AFF3: variants seen among roughly 807,000 people sequenced by gnomAD.
AFF3 encodes ALF transcription elongation factor 3, also known as AF4/FMR2 family member 3.
AFF3 carries 32 observed loss-of-function variants against 129.7 expected under a neutral mutation model. The observed-to-expected ratio is 0.25, with a 90% CI of 0.19 to 0.33. The LOEUF is 0.33. Ranked by LOEUF, AFF3 falls within the 10% of genes least tolerant of loss-of-function variation. The pLI, the probability that AFF3 is intolerant of heterozygous loss-of-function variation, is 1.00. For synonymous variants in AFF3, 644 were observed against 635.4 expected (o/e 1.01, Z -0.20); for missense variants, 1,373 against 1,592.0 (o/e 0.86, Z 2.34).
intron 11 of AFF3, among the ~76,000 whole-genome samples, chr2:99,697,537 A>T (rs537119987): frequency 6.6e-6 from 1 of 152,384 alleles, no homozygotes; most frequent in African/African-American, 2.4e-5. Flanking sequence ...GTTTCTGGAC[A>T]TACCTCTACT....
intron 14 of AFF3, among the ~76,000 whole-genome samples, chr2:99,598,389 CG>C (rs1679497155): frequency 6.6e-6 from 1 of 152,138 alleles, no homozygotes; most frequent in African/African-American, 2.4e-5. Context: ...GATTAGACTC[CG>C]GTGAGAAAAA....
intron 8 of AFF3, among the ~76,000 whole-genome samples, chr2:99,777,104 T>C (rs995361059): frequency 6.6e-6 from 1 of 152,158 alleles, no homozygotes; most frequent in Non-Finnish European, 1.5e-5. Flanking sequence ...ATGCTTGGAA[T>C]TGAGCAAAGT....
rs182200610 is a variant in AFF3, at chr2:99,760,559, T to C, written c.922-8258A>G. 4.4e-3 allele frequency among the ~76,000 whole-genome samples: 663 copies of C among 152,328 alleles called. 4 individuals are homozygous for C. Among genetic ancestry groups the C allele is most frequent in the African/African-American group, 0.015 (631 of 41,572 alleles). On this transcript the variant is annotated intron_variant, in intron 8 of 24. Coordinates refer to ENST00000672756, the MANE Select transcript of AFF3 (RefSeq NM_001386135.1). Reference sequence around the variant, plus strand: ...TTATTTTATCACTGAGAAACAATGCTATTTCATTACAAGGACACTGATCCC... The same window carrying C: ...TTATTTTATCACTGAGAAACAATGCCATTTCATTACAAGGACACTGATCCC...
intron 4 of AFF3, among the ~76,000 whole-genome samples, chr2:100,104,192 G>A (rs1472525463): frequency 1.3e-5 from 2 of 152,034 alleles, no homozygotes; most frequent in Non-Finnish European, 2.9e-5. Context: ...CGCGAGGGAG[G>A]GGAACAGGAG....
chr2:99,676,309 A>C (rs1687600489), intron 11 of AFF3, among the ~76,000 whole-genome samples: 1 of 152,122 alleles, frequency 6.6e-6, no homozygotes, highest in Non-Finnish European at 1.5e-5. Context: ...AGACCAGCTA[A>C]GTACTTTCTA....
intron 13 of AFF3, among the ~76,000 whole-genome samples, chr2:99,621,957 C>G (rs1374188501): frequency 6.6e-6 from 1 of 152,138 alleles, no homozygotes; most frequent in Non-Finnish European, 1.5e-5. Flanking sequence ...TTTATAGCAT[C>G]CAGCACCAGG....
chr2:99,626,246 TTTG>T (rs1452355257), intron 13 of AFF3, among the ~76,000 whole-genome samples: 1 of 152,098 alleles, frequency 6.6e-6, no homozygotes, highest in Admixed American at 6.6e-5. Flanking sequence ...CAAGCTCACG[TTTG>T]TTGTTGCCAG....
At position 99,875,122 on chromosome 2, in the gene AFF3, C is replaced by G. The variant is rs117471935; in HGVS notation, c.874-37598G>C. 1.3e-3 allele frequency among the ~76,000 whole-genome samples: 204 copies of G among 152,312 alleles called. 4 individuals carry two copies. The East Asian group carries it at 0.03, about 23-fold the overall frequency. Reference sequence around the variant, plus strand: ...CTTGTGTCACTTATTAATGACAGTGCTCCCCAGGCAATTTGCTCCCTGCTT... The same window carrying G: ...CTTGTGTCACTTATTAATGACAGTGGTCCCCAGGCAATTTGCTCCCTGCTT... On this transcript the variant is annotated intron_variant, in intron 7 of 24. Coordinates refer to ENST00000672756, the MANE Select transcript of AFF3 (RefSeq NM_001386135.1).
At chr2:99,963,096 A>G (rs1229352677) in intron 7 of AFF3, among the ~76,000 whole-genome samples, 1 of 152,074 alleles carries the variant, frequency 6.6e-6, no homozygotes, top group Non-Finnish European at 1.5e-5. Flanking sequence ...ATGATAGTAG[A>G]TTTCTTGTCC....
chr2:99,596,558 T>C (rs2105018012), intron 14 of AFF3, among the ~76,000 whole-genome samples: 1 of 151,956 alleles, frequency 6.6e-6, no homozygotes, highest in South Asian at 2.1e-4. Context: ...AGGGTGCACA[T>C]ATTGGAAGAG....
In AFF3 at chr2:99,548,704, C is replaced by G. The variant is rs529431178; in HGVS notation, c.*2770G>C. ...GCTGCAGGGAGCCATGATCGCGCCA[C>G]CGCATTCCAGCTTGGGCTACAGAGC... is the stretch of plus-strand genomic sequence containing the variant. On this transcript the variant is annotated 3_prime_UTR_variant, in exon 25 of 25. Coordinates refer to ENST00000672756, the MANE Select transcript of AFF3 (RefSeq NM_001386135.1). 5.5e-4 allele frequency: 125 copies of G among 227,098 alleles called. No homozygotes were observed. The highest frequency in any genetic ancestry group is 2.7e-3 in the African/African-American group (120 of 45,120). The allele number at this position is 227,098 out of a possible 1,614,324, so 14.1% of individuals were successfully genotyped here.
At chr2:99,562,444 C>T (rs1675558442) in intron 20 of AFF3, among the ~76,000 whole-genome samples, 1 of 152,168 alleles carries the variant, frequency 6.6e-6, no homozygotes, top group Non-Finnish European at 1.5e-5. Context: ...CTACTGAGTC[C>T]ATTTTTGGGG....
intron 7 of AFF3, among the ~76,000 whole-genome samples, chr2:99,874,325 G>A (rs1355085409): frequency 6.6e-6 from 1 of 152,186 alleles, no homozygotes; most frequent in Non-Finnish European, 1.5e-5. Context: ...TTATATTCAT[G>A]TCCTTTTGTG....
chr2:99,864,415 G>C (rs1021718357), intron 7 of AFF3, among the ~76,000 whole-genome samples: 6 of 152,170 alleles, frequency 3.9e-5, no homozygotes, highest in Non-Finnish European at 8.8e-5. Context: ...CTGCAGTAGA[G>C]CCCCAGGGTG....
intron 13 of AFF3, among the ~76,000 whole-genome samples, chr2:99,635,924 A>G (rs957890598): frequency 7.2e-5 from 11 of 152,036 alleles, no homozygotes; most frequent in African/African-American, 2.4e-4. Flanking sequence ...CGCCCCCCAC[A>G]TCTGCCAGGA....
chr2:99,830,848 T>C (rs1459498872), intron 8 of AFF3, among the ~76,000 whole-genome samples: 4 of 152,266 alleles, frequency 2.6e-5, no homozygotes, highest in Non-Finnish European at 4.4e-5. Context: ...TGTATGACTA[T>C]TGTAGACTTG....
intron 7 of AFF3, among the ~76,000 whole-genome samples, chr2:99,916,838 G>A (rs1331075484): frequency 6.6e-6 from 1 of 152,082 alleles, no homozygotes; most frequent in Non-Finnish European, 1.5e-5. Context: ...GGCTGTGACC[G>A]AATCTCATCC....
chr2:100,066,651 T>C (rs1232322530), intron 4 of AFF3, among the ~76,000 whole-genome samples: 1 of 152,208 alleles, frequency 6.6e-6, no homozygotes, highest in African/African-American at 2.4e-5. Flanking sequence ...CATTTATTTC[T>C]TCACTTGTAA....
At chr2:99,613,984 T>C (rs1359579342) in intron 13 of AFF3, among the ~76,000 whole-genome samples, 1 of 152,182 alleles carries the variant, frequency 6.6e-6, no homozygotes, top group Non-Finnish European at 1.5e-5. Context: ...AGGATGGGAA[T>C]GTATAATAGC....
Sources: gnomAD v4.1 joint callset for allele counts (sites outside exome capture counted in the v4.1 genomes callset) on GRCh38, gnomAD v4.1.1 for gene constraint, MANE v1.5 for transcripts, NCBI Gene and HGNC (gene_info 2026-07-23, HGNC 2026-07-21) for gene names.